Variants in LRGUK observed in about 807,000 individuals in gnomAD.
LRGUK encodes leucine rich repeats and guanylate kinase domain containing.
Under a neutral mutation model 76.0 loss-of-function variants are expected in LRGUK, and 65 were observed. The observed-to-expected ratio is 0.85, with a 90% CI of 0.70 to 1.05. The LOEUF (loss-of-function observed/expected upper bound fraction) is 1.05, where lower values mean the gene tolerates loss of function less well. LRGUK is among the 50% of genes least tolerant of loss of function. The pLI is 0.00. For synonymous variants in LRGUK, 268 were observed against 265.6 expected (o/e 1.01, Z -0.09); for missense variants, 758 against 732.8 (o/e 1.03, Z -0.40).
intron 11 of LRGUK, among the ~76,000 whole-genome samples, chr7:134,188,619 G>A (rs1211964484): frequency 6.6e-6 from 1 of 152,154 alleles, no homozygotes; most frequent in Non-Finnish European, 1.5e-5. Flanking sequence ...GGAATCTTTT[G>A]TGTGGAGGAT....
At chr7:134,250,311 A>G (rs569848219) in intron 18 of LRGUK, among the ~76,000 whole-genome samples, 3 of 152,334 alleles carry the variant, frequency 2.0e-5, no homozygotes, top group East Asian at 3.9e-4. Context: ...ATTTAATGAA[A>G]TATTCAATAA....
intron 5 of LRGUK, among the ~76,000 whole-genome samples, chr7:134,154,796 G>A (rs183611779): frequency 1.3e-5 from 2 of 152,330 alleles, no homozygotes; most frequent in East Asian, 1.9e-4. Flanking sequence ...TTCAGAACAC[G>A]TGACTAGCTG....
exon 16 of LRGUK, chr7:134,209,870 G>A (rs574404051): frequency 2.8e-5 from 11 of 399,182 alleles, no homozygotes; most frequent in South Asian, 1.3e-4. Context: ...CCTCAGTCCC[G>A]CCCAGGAGGA....
chr7:134,133,111 G>A (rs531597952), intron 1 of LRGUK, among the ~76,000 whole-genome samples: 31 of 152,290 alleles, frequency 2.0e-4, no homozygotes, highest in Admixed American at 1.0e-3. Context: ...GGGGGCAGAT[G>A]AGGTGCATTC....
At chr7:134,209,728 G>A (rs569003110) in exon 16 of LRGUK, 9 of 399,676 alleles carry the variant, frequency 2.3e-5, no homozygotes, top group African/African-American at 6.2e-5. Flanking sequence ...TCAGCCCTCC[G>A]CACTCAAAAC....
chr7:134,182,472 T>C (rs948542165), intron 10 of LRGUK, among the ~76,000 whole-genome samples: 13 of 152,172 alleles, frequency 8.5e-5, no homozygotes, highest in African/African-American at 3.1e-4. Flanking sequence ...ACACAGGTTT[T>C]GTGGGTCCAT....
chr7:134,233,454 G>A (rs1801947600), intron 16 of LRGUK, among the ~76,000 whole-genome samples: 1 of 152,180 alleles, frequency 6.6e-6, no homozygotes, highest in Non-Finnish European at 1.5e-5. Context: ...TAGCAAATAT[G>A]TGTGTACAGC....
intron 16 of LRGUK, among the ~76,000 whole-genome samples, chr7:134,244,946 G>A (rs747826677): frequency 5.2e-4 from 78 of 148,978 alleles, no homozygotes; most frequent in Non-Finnish European, 8.1e-4. Context: ...GCAAACTATC[G>A]CAAGGACAGG....
At chr7:134,155,588 G>T (rs1427805594) in intron 5 of LRGUK, among the ~76,000 whole-genome samples, 1 of 152,168 alleles carries the variant, frequency 6.6e-6, no homozygotes, top group Non-Finnish European at 1.5e-5. Context: ...TCCCAGCCTT[G>T]AATTTTCCAT....
At chr7:134,154,984 G>A (rs1563149018) in intron 5 of LRGUK, among the ~76,000 whole-genome samples, 1 of 152,100 alleles carries the variant, frequency 6.6e-6, no homozygotes. Context: ...CTTCCCATGA[G>A]AATACTTCCT....
downstream of LRGUK, among the ~76,000 whole-genome samples, chr7:134,267,726 T>C (rs1478597297): frequency 6.6e-6 from 1 of 152,120 alleles, no homozygotes; most frequent in Non-Finnish European, 1.5e-5. Context: ...AACCTCTTTT[T>C]CTTTGTAGAT....
downstream of LRGUK, among the ~76,000 whole-genome samples, chr7:134,265,929 G>A (rs1802846363): frequency 1.3e-5 from 2 of 152,202 alleles, no homozygotes; most frequent in Non-Finnish European, 2.9e-5. Context: ...TGGAGGCCAT[G>A]TGAAGAGCTG....
At chr7:134,232,333 C>A (rs1205355056) in intron 16 of LRGUK, among the ~76,000 whole-genome samples, 1 of 151,882 alleles carries the variant, frequency 6.6e-6, no homozygotes, top group Non-Finnish European at 1.5e-5. Context: ...GGCTGGAGTG[C>A]AATGGCACGA....
intron 10 of LRGUK, among the ~76,000 whole-genome samples, chr7:134,178,988 C>A (rs1175774762): frequency 7.2e-6 from 1 of 138,494 alleles, no homozygotes; most frequent in East Asian, 2.3e-4. Context: ...AAACACAGAC[C>A]TTAACCTTAA....
chr7:134,205,766 A>T (rs1800979487), intron 15 of LRGUK, among the ~76,000 whole-genome samples: 1 of 152,222 alleles, frequency 6.6e-6, no homozygotes. Flanking sequence ...TCTTAAAATA[A>T]AAACCTATAC....
chr7:134,216,550 T>C (rs753042742), intron 15 of LRGUK, among the ~76,000 whole-genome samples: 7 of 152,176 alleles, frequency 4.6e-5, no homozygotes, highest in Non-Finnish European at 8.8e-5. Flanking sequence ...AAAAGACCTG[T>C]AGTAACATCT....
intron 6 of LRGUK, among the ~76,000 whole-genome samples, chr7:134,161,421 CTATT>C (rs1798727278): frequency 6.6e-6 from 1 of 151,350 alleles, no homozygotes; most frequent in Non-Finnish European, 1.5e-5. Flanking sequence ...GTATTTTTTT[CTATT>C]TATTATGATA....
chr7:134,269,049 A>C (rs957626947), downstream of LRGUK, among the ~76,000 whole-genome samples: 2 of 151,972 alleles, frequency 1.3e-5, no homozygotes, highest in African/African-American at 4.8e-5. Flanking sequence ...TCTTAACAAA[A>C]TATTAACCAA....
intron 9 of LRGUK, among the ~76,000 whole-genome samples, chr7:134,177,637 G>C (rs1009085707): frequency 6.6e-6 from 1 of 152,132 alleles, no homozygotes; most frequent in African/African-American, 2.4e-5. Flanking sequence ...TGCTTTAGTA[G>C]CTGGTGACAG....
Sources: gnomAD v4.1 joint callset for allele counts (sites outside exome capture counted in the v4.1 genomes callset) on GRCh38, gnomAD v4.1.1 for gene constraint, MANE v1.5 for transcripts, NCBI Gene and HGNC (gene_info 2026-07-23, HGNC 2026-07-21) for gene names.